HDHD2: variants seen among roughly 807,000 people sequenced by gnomAD.
HDHD2 encodes the protein haloacid dehalogenase like hydrolase domain containing 2, also known as haloacid dehalogenase-like hydrolase domain-containing protein 2.
HDHD2 carries 26 observed loss-of-function variants against 24.8 expected under a neutral mutation model. The observed-to-expected ratio is 1.05, with a 90% CI of 0.77 to 1.45. HDHD2 has a LOEUF of 1.45. Ranked by LOEUF, HDHD2 falls within the 40% of genes most tolerant of loss-of-function variation. HDHD2 has a pLI of 0.00. For synonymous variants in HDHD2, 128 were observed against 114.9 expected, an observed-to-expected ratio of 1.11 and a Z score of -0.73; for missense variants, 299 against 313.4, an observed-to-expected ratio of 0.95 and a Z score of 0.35.
At chr18:47,139,762 C>T (rs779663140) in intron 1 of HDHD2, among the ~76,000 whole-genome samples, 1 of 152,164 alleles carries the variant, frequency 6.6e-6, no homozygotes, top group African/African-American at 2.4e-5. Flanking sequence ...GTATCTGCTG[C>T]AGAACTGATT....
Position 47,108,578 on chromosome 18 carries a change from T to A in HDHD2, c.*104A>T, listed in dbSNP as rs1266379430. The stretch of plus-strand genomic sequence containing the variant: ...ACAACAAAAGAGGGTTAAAAAGCGA[T>A]CAGCACTGACTGGTGTCTACCGATG... On this transcript the variant is annotated 3_prime_UTR_variant, in exon 7 of 7. Transcript: ENST00000300605. 1.6e-6 allele frequency: 1 copy of A among 616,276 alleles called. No individual in the cohort carries two copies. Among genetic ancestry groups the A allele is most frequent in the African/African-American group, 1.9e-5 (1 of 52,630 alleles). 38.2% of individuals were successfully genotyped at this position (616,276 alleles called of 1,614,324 possible).
intron 4 of HDHD2, among the ~76,000 whole-genome samples, chr18:47,129,646 T>C (rs1251612801): frequency 1.3e-5 from 2 of 152,236 alleles, no homozygotes; most frequent in Non-Finnish European, 2.9e-5. Context: ...GTCAAATGTG[T>C]CAACTCTTTT....
intron 1 of HDHD2, among the ~76,000 whole-genome samples, chr18:47,142,368 G>A (rs2063827605): frequency 6.6e-6 from 1 of 151,742 alleles, no homozygotes; most frequent in Non-Finnish European, 1.5e-5. Context: ...GGCCTGCAAA[G>A]CCTTACTATC....
chr18:47,110,614 A>G (rs759162370), intron 6 of HDHD2: 201 of 985,082 alleles, frequency 2.0e-4, no homozygotes, highest in East Asian at 4.5e-4. Flanking sequence ...TGGCTTAGGT[A>G]TATGTTTTAG....
Position 47,121,259 on chromosome 18 carries a change from C to T in HDHD2, c.396-5911G>A, listed in dbSNP as rs116622153. Among the ~76,000 whole-genome samples, 556 of 152,286 alleles carry T rather than the reference C, an allele frequency of 3.7e-3. 8 individuals carry two copies. Among genetic ancestry groups the T allele is most frequent in the African/African-American group, 0.013 (531 of 41,546 alleles). ...TACTGCAGATTAAGTACTGGTCAAA[C>T]ACCTACCATATGTCCAACGTCAAAC... On this transcript the variant is annotated intron_variant, in intron 4 of 6. Coordinates refer to ENST00000300605, the MANE Select transcript of HDHD2 (RefSeq NM_032124.5).
At chr18:47,149,610 G>A (rs1307052194) in intron 1 of HDHD2, among the ~76,000 whole-genome samples, 1 of 152,090 alleles carries the variant, frequency 6.6e-6, no homozygotes, top group Admixed American at 6.5e-5. Context: ...CTCCCTCGTT[G>A]CGGGACTTTT....
chr18:47,112,959 T>C lies in HDHD2; in HGVS notation c.676+18A>G, dbSNP rs755252232. On this transcript the variant is annotated intron_variant, in intron 6 of 6. Transcript: ENST00000300605. ...TACTATTCTGTTTTAGAAAATGCTT[T>C]ATACAGAAGATACATACCAGTCTTT... 6.2e-6 allele frequency: 10 copies of C among 1,602,370 alleles called. No homozygotes were observed. The Admixed American group carries it at 1.3e-4, about 21-fold the overall frequency.
chr18:47,136,287 TA>T, intron 2 of HDHD2, 51 bp downstream of exon 2: 1 of 1,607,374 alleles, frequency 6.2e-7, no homozygotes. Flanking sequence ...TCTGCCGTGG[TA>T]AAATGGCACT....
At chr18:47,111,989 T>C (rs2063519531) in intron 6 of HDHD2, among the ~76,000 whole-genome samples, 1 of 152,200 alleles carries the variant, frequency 6.6e-6, no homozygotes, top group Non-Finnish European at 1.5e-5. Flanking sequence ...TATGGAACCA[T>C]TTATCTGCTA....
At chr18:47,120,119 C>G (rs1208660080) in intron 4 of HDHD2, among the ~76,000 whole-genome samples, 1 of 152,192 alleles carries the variant, frequency 6.6e-6, no homozygotes, top group African/African-American at 2.4e-5. Flanking sequence ...TGCATTAGCC[C>G]CTAACAAGAT....
intron 6 of HDHD2, chr18:47,109,960 T>C (rs1282866941): frequency 4.1e-6 from 4 of 984,788 alleles, no homozygotes; most frequent in African/African-American, 1.7e-5. Context: ...AAAGAATGAA[T>C]GGAGGGAAGA....
chr18:47,113,485 G>A (rs2063532769), intron 5 of HDHD2, among the ~76,000 whole-genome samples: 1 of 152,156 alleles, frequency 6.6e-6, no homozygotes, highest in African/African-American at 2.4e-5. Context: ...CTATCCCATT[G>A]TCCTAACAGG....
chr18:47,117,313 A>G (rs181736463), intron 4 of HDHD2, among the ~76,000 whole-genome samples: 1 of 152,286 alleles, frequency 6.6e-6, no homozygotes, highest in African/African-American at 2.4e-5. Flanking sequence ...TCCCAATGCA[A>G]CAGTGTTGAG....
chr18:47,129,071 G>C (rs1290692481), intron 4 of HDHD2, among the ~76,000 whole-genome samples: 1 of 151,860 alleles, frequency 6.6e-6, no homozygotes, highest in Non-Finnish European at 1.5e-5. Context: ...AATTTTCTAA[G>C]CTAGTCCAAT....
chr18:47,135,055 A>G (rs1351792718), intron 2 of HDHD2, among the ~76,000 whole-genome samples: 1 of 152,106 alleles, frequency 6.6e-6, no homozygotes, highest in African/African-American at 2.4e-5. Context: ...TTTAAACAAC[A>G]TGTTGTCCAC....
chr18:47,114,997 T>C, intron 5 of HDHD2, 135 bp downstream of exon 5: 1 of 622,038 alleles, frequency 1.6e-6, no homozygotes, highest in Non-Finnish European at 2.8e-6. Context: ...AACCTCATTT[T>C]ATAGGTAGCC....
intron 4 of HDHD2, among the ~76,000 whole-genome samples, chr18:47,122,036 C>G (rs1039570642): frequency 3.3e-5 from 5 of 152,078 alleles, no homozygotes; most frequent in African/African-American, 9.7e-5. Context: ...TAATCCTTAT[C>G]CTATTGTGTT....
intron 5 of HDHD2, 123 bp downstream of exon 5, chr18:47,115,009 T>G: frequency 4.6e-6 from 3 of 653,284 alleles, no homozygotes; most frequent in Non-Finnish European, 5.4e-6. Flanking sequence ...TAGGTAGCCA[T>G]TTATATATAT....
At chr18:47,119,925 G>A (rs1333418309) in intron 4 of HDHD2, among the ~76,000 whole-genome samples, 1 of 152,232 alleles carries the variant, frequency 6.6e-6, no homozygotes, top group African/African-American at 2.4e-5. Context: ...CTCCAGCGGA[G>A]CTCTTGGGTG....
Sources: allele counts gnomAD v4.1 joint callset (sites outside exome capture counted in the v4.1 genomes callset), GRCh38; gene constraint gnomAD v4.1.1; transcripts MANE v1.5; gene names NCBI Gene and HGNC (gene_info 2026-07-23, HGNC 2026-07-21).